CIROZ: variants seen among roughly 807,000 people sequenced by gnomAD.
CIROZ encodes ciliated left-right organizer ZP-N domains-containing protein.
the CIROZ span, among the ~76,000 whole-genome samples, chr1:10,980,968 C>T: frequency 1.3e-5 from 2 of 152,246 alleles, no homozygotes; most frequent in African/African-American, 4.8e-5. Context: ...TCATTGTCTA[C>T]AGACTTCAAC....
chr1:10,959,315 C>T, the CIROZ span, among the ~76,000 whole-genome samples: 1 of 152,168 alleles, frequency 6.6e-6, no homozygotes, highest in African/African-American at 2.4e-5. The surrounding 1 kb of genome is among the most constrained non-coding windows in gnomAD (Gnocchi z 4.3). Context: ...CAGGCCCAGG[C>T]AAACCGAGAC....
At chr1:10,981,964 C>G in the CIROZ span, 3 of 1,536,486 alleles carry the variant, frequency 2.0e-6, no homozygotes, top group Non-Finnish European at 2.6e-6. Context: ...TGTGGGCACA[C>G]TAAGCATGCC....
At chr1:10,981,895 T>C in the CIROZ span, 12 of 1,353,470 alleles carry the variant, frequency 8.9e-6, no homozygotes, top group Non-Finnish European at 1.2e-5. Flanking sequence ...TTTGGCCCCC[T>C]TCCCTCTTAG....
chr1:10,948,819 G>A, the CIROZ span: 1 of 1,511,028 alleles, frequency 6.6e-7, no homozygotes, highest in Admixed American at 2.3e-5. Flanking sequence ...CGGTTTGGCT[G>A]TTTGCAGGAA....
chr1:10,972,643 AATCTCTCCAAGACCCCATTTC>A, the CIROZ span, among the ~76,000 whole-genome samples: 1 of 152,196 alleles, frequency 6.6e-6, no homozygotes. Context: ...CGAGTCATTT[AATCTCTCCAAGACCCCATTTC>A]CTTTTCTGCA....
At chr1:10,981,568 G>A in the CIROZ span, among the ~76,000 whole-genome samples, 3 of 151,380 alleles carry the variant, frequency 2.0e-5, no homozygotes, top group African/African-American at 7.3e-5. Flanking sequence ...AGGGAAGGAA[G>A]GAAAATGAAA....
At chr1:10,978,991 C>CT in the CIROZ span, among the ~76,000 whole-genome samples, 230 of 151,344 alleles carry the variant, frequency 1.5e-3, no homozygotes, top group Middle Eastern at 0.01. Context: ...GAGGATCTCA[C>CT]TTTTTTTTTC....
the CIROZ span, chr1:10,953,921 A>G: frequency 1.1e-5 from 16 of 1,470,372 alleles, no homozygotes; most frequent in South Asian, 1.4e-5. Context: ...AGGGAGTGAA[A>G]CATTGTCACA....
the CIROZ span, chr1:10,955,188 T>G: frequency 1.2e-6 from 2 of 1,600,146 alleles, no homozygotes; most frequent in Non-Finnish European, 1.7e-6. Flanking sequence ...GGAATGACAC[T>G]GGAATGGGAA....
the CIROZ span, among the ~76,000 whole-genome samples, chr1:10,975,419 A>C: frequency 2.7e-5 from 4 of 150,412 alleles, no homozygotes; most frequent in East Asian, 1.9e-4. Flanking sequence ...AAAAAAAAAA[A>C]AAAAAAAAAA....
chr1:10,949,758 G>A, the CIROZ span: 2 of 1,584,062 alleles, frequency 1.3e-6, no homozygotes, highest in East Asian at 2.3e-5. Context: ...CCTGGGGATG[G>A]TGGGGAGGGA....
At chr1:10,949,081 AG>A in the CIROZ span, 30 of 369,742 alleles carry the variant, frequency 8.1e-5, no homozygotes, top group East Asian at 1.2e-3. Context: ...AAAATTAGCC[AG>A]GTGTGGTGGC....
the CIROZ span, chr1:10,958,844 C>T: frequency 7.5e-7 from 1 of 1,340,148 alleles, no homozygotes; most frequent in East Asian, 2.3e-5. Flanking sequence ...CCGGCAATTA[C>T]CCCAGCAGGA....
chr1:10,958,569 TG>T, the CIROZ span: 1 of 977,686 alleles, frequency 1.0e-6, no homozygotes, highest in African/African-American at 1.6e-5. Context: ...CGGCAAGACC[TG>T]GTCCTTGAAG....
chr1:10,968,292 C>T, the CIROZ span, among the ~76,000 whole-genome samples: 3 of 152,188 alleles, frequency 2.0e-5, no homozygotes, highest in Non-Finnish European at 4.4e-5. Flanking sequence ...TGTATTGCTT[C>T]TGTCATGATT....
At chr1:10,962,450 AAAAT>A in the CIROZ span, among the ~76,000 whole-genome samples, 18 of 152,318 alleles carry the variant, frequency 1.2e-4, no homozygotes, top group Admixed American at 3.9e-4. Flanking sequence ...GCATCTCAAA[AAAAT>A]AAATAAATAA....
At chr1:10,947,379 C>T in the CIROZ span, among the ~76,000 whole-genome samples, 1 of 152,194 alleles carries the variant, frequency 6.6e-6, no homozygotes, top group East Asian at 1.9e-4. Flanking sequence ...AGGCAGACGG[C>T]CTGCCGCTTC....
chr1:10,968,023 T>TG, the CIROZ span, among the ~76,000 whole-genome samples: 21 of 149,252 alleles, frequency 1.4e-4, no homozygotes, highest in South Asian at 6.4e-4. Context: ...TTCGGCGCGG[T>TG]GGGGGGGCAC....
chr1:10,957,160 T>G, the CIROZ span: 21 of 1,427,626 alleles, frequency 1.5e-5, no homozygotes, highest in Non-Finnish European at 1.9e-5. Context: ...TCCTTCCAGA[T>G]GCAGACTCCC....
Sources: allele counts gnomAD v4.1 joint callset (sites outside exome capture counted in the v4.1 genomes callset), GRCh38; gene constraint gnomAD v4.1.1; non-coding constraint Gnocchi (gnomAD v3.1); transcripts MANE v1.5; gene names NCBI Gene and HGNC (gene_info 2026-07-23, HGNC 2026-07-21).